Variants in NECAB1 observed in about 807,000 individuals in gnomAD.
NECAB1 encodes the protein N-terminal EF-hand calcium binding protein 1, also known as N-terminal EF-hand calcium-binding protein 1.
NECAB1 carries 29 observed loss-of-function variants against 57.5 expected under a neutral mutation model. The ratio of observed to expected loss-of-function variants is 0.50; its 90% CI spans 0.38 to 0.69. The LOEUF (loss-of-function observed/expected upper bound fraction) is 0.69, where lower values mean the gene tolerates loss of function less well. Among genes scored for constraint, NECAB1 ranks in the 30% least tolerant of loss-of-function variants. The probability of loss-of-function intolerance (pLI) is 0.00; values close to 1 mark genes in which losing one functional copy is unlikely to be tolerated. For synonymous variants in NECAB1, 142 were observed against 147.7 expected, an observed-to-expected ratio of 0.96 and a Z score of 0.28; for missense variants, 372 against 413.8, an observed-to-expected ratio of 0.90 and a Z score of 0.88.
chr8:90,849,411 A>G (rs2129770530), intron 3 of NECAB1, among the ~76,000 whole-genome samples: 1 of 151,846 alleles, frequency 6.6e-6, no homozygotes, highest in South Asian at 2.1e-4. Context: ...CAGGACAGCA[A>G]TGAGCTATGA....
chr8:90,843,091 T>C (rs778781095), intron 3 of NECAB1, among the ~76,000 whole-genome samples: 3 of 152,152 alleles, frequency 2.0e-5, no homozygotes, highest in Non-Finnish European at 4.4e-5. Flanking sequence ...ACATCCTACA[T>C]GGCAGCAGGC....
At chr8:90,917,957 C>CAT (rs1386483645) in intron 6 of NECAB1, among the ~76,000 whole-genome samples, 5 of 38,816 alleles carry the variant, frequency 1.3e-4, no homozygotes, top group Non-Finnish European at 1.8e-4. Flanking sequence ...TATATACACA[C>CAT]ACACATATGT....
In NECAB1 at chr8:90,940,798, G is replaced by T; in HGVS notation, c.760G>T (p.Val254Leu). ...EGNTKSHIML[V>L]QRQMSVIEED... ...CCTTCCTTGGCAGCACATCATGCTTGTGCAGCGGCAGATGTCTGTGATAGA... is the reference window on the plus strand; with the variant it reads ...CCTTCCTTGGCAGCACATCATGCTTTTGCAGCGGCAGATGTCTGTGATAGA... The change falls in exon 10 of 13, where the codon GTG becomes TTG. Residue 254 changes from valine to leucine, a missense_variant. Val to Leu is a conservative substitution (Grantham distance 32). Coordinates refer to ENST00000417640, the MANE Select transcript of NECAB1 (RefSeq NM_022351.5). The T allele has an allele frequency of 6.4e-7, 1 of 1,560,308 alleles. No homozygotes were observed. Among genetic ancestry groups the T allele is most frequent in the South Asian group, 1.2e-5 (1 of 84,520 alleles).
intron 2 of NECAB1, among the ~76,000 whole-genome samples, chr8:90,816,873 A>G (rs1425313895): frequency 1.3e-5 from 2 of 151,716 alleles, no homozygotes; most frequent in African/African-American, 2.4e-5. Context: ...TGGTTGAGGT[A>G]ACATTGAATC....
At chr8:90,810,234 A>T (rs567515533) in intron 2 of NECAB1, among the ~76,000 whole-genome samples, 1 of 151,850 alleles carries the variant, frequency 6.6e-6, no homozygotes, top group Non-Finnish European at 1.5e-5. Flanking sequence ...AGTGTAATTT[A>T]AAAAAAAGAC....
intron 5 of NECAB1, among the ~76,000 whole-genome samples, chr8:90,907,887 G>T (rs1306275512): frequency 6.6e-6 from 1 of 152,096 alleles, no homozygotes; most frequent in African/African-American, 2.4e-5. Flanking sequence ...ATTAAATCCA[G>T]AAATGTGTCA....
In NECAB1 at chr8:90,881,054, G is replaced by T; in HGVS notation, c.281G>T (p.Gly94Val). 6.2e-7 allele frequency: 1 copy of T among 1,603,112 alleles called. No homozygotes were observed. Among genetic ancestry groups the T allele is most frequent in the Non-Finnish European group, 8.5e-7 (1 of 1,174,678 alleles). The change falls in exon 5 of 13, where the codon GGC (glycine) becomes GTC (valine). Residue 94 changes from glycine to valine, a missense_variant. Coordinates refer to ENST00000417640, the MANE Select transcript of NECAB1 (RefSeq NM_022351.5). Reference protein sequence around the residue: ...ELCEYFSQHLGEYENVLAALE... With the variant: ...ELCEYFSQHLVEYENVLAALE... ...TCAGAATATTTTTCTCAGCACTTGG[G>T]CGAGTATGAGAATGTACTAGCAGCA...
intron 5 of NECAB1, among the ~76,000 whole-genome samples, chr8:90,914,470 G>C (rs986110393): frequency 6.6e-6 from 1 of 151,944 alleles, no homozygotes; most frequent in Non-Finnish European, 1.5e-5. Flanking sequence ...ATCAATGAGG[G>C]GTAGTATAAA....
At position 90,951,184 on chromosome 8, in the gene NECAB1, C is replaced by T; in HGVS notation, c.1010C>T (p.Thr337Ile). The T allele has an allele frequency of 6.3e-7, 1 of 1,594,762 alleles. No homozygotes were observed. The highest frequency in any genetic ancestry group is 2.3e-5 in the East Asian group (1 of 44,100). ...GATTTCTTGGAAACTCCAGAACTCA[C>T]ATCTACAATGCTAGTTCCTGGTAAT... ...NVDFLETPELTSTMLVPASWW... is the reference protein window; with the variant it reads ...NVDFLETPELISTMLVPASWW... The change falls in exon 12 of 13, where the codon ACA becomes ATA. Residue 337 changes from threonine (T) to isoleucine (I), a missense_variant. Physicochemically the swap from Thr to Ile is moderately conservative, Grantham distance 89. Coordinates refer to ENST00000417640, the MANE Select transcript of NECAB1 (RefSeq NM_022351.5).
intron 5 of NECAB1, among the ~76,000 whole-genome samples, chr8:90,884,483 A>C (rs1468907482): frequency 6.6e-6 from 1 of 152,192 alleles, no homozygotes; most frequent in Non-Finnish European, 1.5e-5. Flanking sequence ...TCATTACTAT[A>C]ATTTTATGTA....
chr8:90,828,717 G>T (rs188653145), intron 3 of NECAB1, among the ~76,000 whole-genome samples: 1 of 152,118 alleles, frequency 6.6e-6, no homozygotes, highest in East Asian at 1.9e-4. Flanking sequence ...CATTTGGAAA[G>T]TTTTCCTGAG....
rs912180694 is a variant in NECAB1 at position 90,922,682 on chromosome 8, G to A, written c.495-2853G>A. 1.1e-4 allele frequency among the ~76,000 whole-genome samples: 17 copies of A among 151,612 alleles called. No individual in the cohort carries two copies. In the East Asian group the frequency reaches 2.7e-3, roughly 24 times the overall value. On this transcript the variant is annotated intron_variant, in intron 6 of 12. Transcript: ENST00000417640. Reference sequence around the variant, plus strand: ...TAATTTTTGTGTTTTTAGTAGAGACGGGGTTTCACCATGTTGGCCAAGCTG... The same window carrying A: ...TAATTTTTGTGTTTTTAGTAGAGACAGGGTTTCACCATGTTGGCCAAGCTG...
At chr8:90,808,048 A>C (rs1452110653) in intron 2 of NECAB1, among the ~76,000 whole-genome samples, 2 of 152,208 alleles carry the variant, frequency 1.3e-5, no homozygotes, top group Non-Finnish European at 2.9e-5. Flanking sequence ...AAGCACTTTC[A>C]CACCCATAAA....
intron 4 of NECAB1, among the ~76,000 whole-genome samples, chr8:90,874,898 C>G (rs1808686332): frequency 6.6e-6 from 1 of 151,746 alleles, no homozygotes; most frequent in South Asian, 2.1e-4. Context: ...TATAGAAGTG[C>G]CAAAATTATC....
At chr8:90,946,645 C>G (rs1810810059) in intron 10 of NECAB1, among the ~76,000 whole-genome samples, 1 of 152,158 alleles carries the variant, frequency 6.6e-6, no homozygotes, top group Non-Finnish European at 1.5e-5. Context: ...TCAGATGTGC[C>G]TTCTGGCTCT....
chr8:90,862,828 A>ACTCATCCCTTATTTTCCCATCTCCAG (rs1808426737), intron 3 of NECAB1, among the ~76,000 whole-genome samples: 1 of 152,148 alleles, frequency 6.6e-6, no homozygotes, highest in African/African-American at 2.4e-5. Flanking sequence ...CCCATCTCCA[A>ACTCATCCCTTATTTTCCCATCTCCAG]CTCACATACA....
chr8:90,837,481 AAATTT>A (rs1812387206), intron 3 of NECAB1, among the ~76,000 whole-genome samples: 2 of 152,222 alleles, frequency 1.3e-5, no homozygotes, highest in Admixed American at 1.3e-4. Flanking sequence ...GAGCAATTTA[AAATTT>A]ATGAATTGTT....
At chr8:90,915,714 G>A (rs2130109330) in intron 5 of NECAB1, among the ~76,000 whole-genome samples, 1 of 152,334 alleles carries the variant, frequency 6.6e-6, no homozygotes, top group South Asian at 2.1e-4. Context: ...AAGGAAGCCA[G>A]TGGTGGATCA....
intron 3 of NECAB1, among the ~76,000 whole-genome samples, chr8:90,847,005 G>A (rs1488769787): frequency 6.6e-6 from 1 of 152,030 alleles, no homozygotes; most frequent in Non-Finnish European, 1.5e-5. Context: ...AAACACAATG[G>A]TACCCTTCCA....
Sources: allele counts gnomAD v4.1 joint callset (sites outside exome capture counted in the v4.1 genomes callset), GRCh38; gene constraint gnomAD v4.1.1; transcripts MANE v1.5; gene names NCBI Gene and HGNC (gene_info 2026-07-23, HGNC 2026-07-21).